Variants in PLPP4 observed in about 807,000 individuals in gnomAD.
PLPP4 encodes the protein diacylglycerol pyrophosphate like 2.
A neutral mutation model predicts 32.2 loss-of-function variants in PLPP4; 20 were observed. The observed-to-expected ratio is 0.62, with a 90% CI of 0.44 to 0.90. The LOEUF is 0.90. Among genes scored for constraint, PLPP4 ranks in the 40% least tolerant of loss-of-function variants. PLPP4 has a pLI of 0.00. For missense variants in PLPP4, 257 were observed against 353.1 expected (o/e 0.73, Z 2.18); for synonymous variants, 127 against 133.0 (o/e 0.95, Z 0.31).
Position 120,537,163 on chromosome 10 carries a change from G to A in PLPP4, c.445+16068G>A, listed in dbSNP as rs962789270. On this transcript the variant is annotated intron_variant, in intron 5 of 6. Coordinates refer to ENST00000398250, the MANE Select transcript of PLPP4 (RefSeq NM_001030059.3). ...TAAAGAAATTAAAAATGTAACTACCGTATGATCAAGCAATCTCACTTCTGA... is the reference window on the plus strand; with the variant it reads ...TAAAGAAATTAAAAATGTAACTACCATATGATCAAGCAATCTCACTTCTGA... 1.4e-4 allele frequency among the ~76,000 whole-genome samples: 22 copies of A among 152,218 alleles called. 1 individual carries two copies. The highest frequency in any genetic ancestry group is 9.6e-4 in the East Asian group (5 of 5,184).
At chr10:120,467,235 T>G (rs1848370289) in intron 1 of PLPP4, among the ~76,000 whole-genome samples, 1 of 62,998 alleles carries the variant, frequency 1.6e-5, no homozygotes, top group African/African-American at 3.4e-5. Context: ...CCCGCCACCA[T>G]GCCTGGCTAA....
chr10:120,567,219 G>T (rs1848732921), intron 5 of PLPP4, among the ~76,000 whole-genome samples: 1 of 152,162 alleles, frequency 6.6e-6, no homozygotes, highest in Non-Finnish European at 1.5e-5. Context: ...CTAGGTTTGG[G>T]AATTATTAGG....
chr10:120,487,458 T>C (rs1488540156), intron 1 of PLPP4, among the ~76,000 whole-genome samples: 1 of 152,220 alleles, frequency 6.6e-6, no homozygotes, highest in Non-Finnish European at 1.5e-5. Flanking sequence ...TTGATGTCAC[T>C]TACAAAATCA....
chr10:120,587,768 A>T (rs1309888626), intron 6 of PLPP4, among the ~76,000 whole-genome samples: 1 of 152,208 alleles, frequency 6.6e-6, no homozygotes, highest in African/African-American at 2.4e-5. Context: ...GACCACTCAA[A>T]ATGTCACCTA....
rs972974599 is a variant in PLPP4, at chr10:120,538,052, C to CTGTGTGTGTGTGTGTGTGTG, written c.445+16971_445+16990dup. On this transcript the variant is annotated intron_variant, in intron 5 of 6. Transcript: ENST00000398250. Reference sequence around the variant, plus strand: ...TCTCTCTCTCTCTCTCTCTCTCTCTCTGTGTGTGTGTGTGTGTGTGTGTGT... The same window carrying CTGTGTGTGTGTGTGTGTGTG: ...TCTCTCTCTCTCTCTCTCTCTCTCTCTGTGTGTGTGTGTGTGTGTGTGTGTGTGTGTGTGTGTGTGTGTGT... Among the ~76,000 whole-genome samples the CTGTGTGTGTGTGTGTGTGTG allele has an allele frequency of 1.9e-3, 36 of 18,992 alleles. 1 individual carries two copies. The highest frequency in any genetic ancestry group is 2.1e-3 in the Non-Finnish European group (22 of 10,502). The allele number at this position is 18,992 out of a possible 152,430, so 12.5% of individuals were successfully genotyped here. A position where few individuals can be genotyped will look rare whatever the true frequency, so the allele number is the denominator to read the frequency against.
intron 5 of PLPP4, among the ~76,000 whole-genome samples, chr10:120,560,658 G>A (rs1848391043): frequency 6.6e-6 from 1 of 152,156 alleles, no homozygotes; most frequent in Admixed American, 6.5e-5. Context: ...AGGAGGCTGA[G>A]GCAGGAGAAT....
intron 1 of PLPP4, among the ~76,000 whole-genome samples, chr10:120,481,543 T>C (rs1844206580): frequency 6.6e-6 from 1 of 152,162 alleles, no homozygotes; most frequent in African/African-American, 2.4e-5. Context: ...GCAACCACAA[T>C]ATCAACAGCT....
At chr10:120,479,020 A>G in intron 1 of PLPP4, among the ~76,000 whole-genome samples, 1 of 152,158 alleles carries the variant, frequency 6.6e-6, no homozygotes, top group Non-Finnish European at 1.5e-5. Flanking sequence ...AGGTCAGGAG[A>G]TCGAGACCAT....
intron 2 of PLPP4, among the ~76,000 whole-genome samples, chr10:120,512,648 G>A (rs1467914138): frequency 3.3e-5 from 5 of 151,876 alleles, no homozygotes; most frequent in African/African-American, 1.2e-4. Flanking sequence ...CCCCATCTCT[G>A]CTAAAAATAC....
intron 2 of PLPP4, among the ~76,000 whole-genome samples, chr10:120,512,759 G>A (rs1490060736): frequency 6.6e-6 from 1 of 152,164 alleles, no homozygotes; most frequent in Non-Finnish European, 1.5e-5. Context: ...GTTGCAGTGA[G>A]CGGAGATCAC....
In PLPP4 at chr10:120,461,726, T is replaced by A. The variant is rs958643143; in HGVS notation, c.56+4365T>A. Among the ~76,000 whole-genome samples, 3 of 152,234 alleles carry A rather than the reference T, an allele frequency of 2.0e-5. No homozygotes were observed. The East Asian group carries it at 5.8e-4, about 29-fold the overall frequency. On this transcript the variant is annotated intron_variant, in intron 1 of 6. Transcript: ENST00000398250. ...GTACACAGTGGGCCACCATTTGTTATTGTCTCCAATGCAATTACTGGCTTT... is the reference window on the plus strand; with the variant it reads ...GTACACAGTGGGCCACCATTTGTTAATGTCTCCAATGCAATTACTGGCTTT...
intron 5 of PLPP4, among the ~76,000 whole-genome samples, chr10:120,565,361 T>TGC (rs1848648617): frequency 7.0e-6 from 1 of 142,544 alleles, no homozygotes; most frequent in South Asian, 2.3e-4. Context: ...TGTGTGTGTG[T>TGC]GCTGTATGCT....
intron 1 of PLPP4, among the ~76,000 whole-genome samples, chr10:120,498,160 A>C (rs1029263668): frequency 1.3e-5 from 2 of 152,378 alleles, no homozygotes; most frequent in Middle Eastern, 3.4e-3. Context: ...CATTAAAGAA[A>C]ATAATACGTT....
At chr10:120,518,129 C>T (rs900225305) in intron 3 of PLPP4, among the ~76,000 whole-genome samples, 2 of 152,120 alleles carry the variant, frequency 1.3e-5, no homozygotes, top group Non-Finnish European at 2.9e-5. Flanking sequence ...TGTTACCTGC[C>T]GCCTTCGGGA....
chr10:120,590,807 G>A lies in PLPP4; in HGVS notation c.*1305G>A, dbSNP rs1190131252. 3.5e-5 allele frequency among the ~76,000 whole-genome samples: 5 copies of A among 142,938 alleles called. No homozygotes were observed. The East Asian group carries it at 8.6e-4, about 25-fold the overall frequency. The allele number at this position is 142,938 out of a possible 152,430, so 93.8% of individuals were successfully genotyped here. ...TTTTGAGATGGAGTCTCGCTGTGTC[G>A]AGACTGCACTGGAGTGCAGTGGCGT... On this transcript the variant is annotated 3_prime_UTR_variant, in exon 7 of 7. Coordinates refer to ENST00000398250, the MANE Select transcript of PLPP4 (RefSeq NM_001030059.3).
At chr10:120,518,527 G>A (rs760706639) in intron 3 of PLPP4, among the ~76,000 whole-genome samples, 2 of 152,120 alleles carry the variant, frequency 1.3e-5, no homozygotes, top group African/African-American at 2.4e-5. Context: ...TATTAAATCT[G>A]TTCATATCAG....
intron 1 of PLPP4, among the ~76,000 whole-genome samples, chr10:120,487,506 A>G (rs1437657637): frequency 6.6e-6 from 1 of 152,242 alleles, no homozygotes; most frequent in African/African-American, 2.4e-5. Context: ...TAAGTCAGAG[A>G]AGCAACATTT....
intron 6 of PLPP4, among the ~76,000 whole-genome samples, chr10:120,580,115 C>CAAA (rs10609637): frequency 1.4e-4 from 13 of 91,548 alleles, no homozygotes; most frequent in East Asian, 6.7e-4. Context: ...GCGAGACTCT[C>CAAA]AAAAAAAAAA....
Position 120,510,142 on chromosome 10 carries a change from T to C in PLPP4, c.166-3769T>C, listed in dbSNP as rs557941335. ...GGGTGCCTAGAATAGACTATAGTCC[T>C]TAGTAAGTTCTCAGTACACGTTAGC... On this transcript the variant is annotated intron_variant, in intron 2 of 6. Coordinates refer to ENST00000398250, the MANE Select transcript of PLPP4 (RefSeq NM_001030059.3). Among the ~76,000 whole-genome samples the C allele has an allele frequency of 1.3e-3, 195 of 152,338 alleles. 1 individual carries two copies. Among genetic ancestry groups the C allele is most frequent in the African/African-American group, 4.5e-3 (188 of 41,568 alleles).
Sources: gnomAD v4.1 joint callset for allele counts (sites outside exome capture counted in the v4.1 genomes callset) on GRCh38, gnomAD v4.1.1 for gene constraint, MANE v1.5 for transcripts, NCBI Gene and HGNC (gene_info 2026-07-23, HGNC 2026-07-21) for gene names.